REL: variants seen among roughly 807,000 people sequenced by gnomAD.
REL encodes the protein proto-oncogene c-Rel.
Under a neutral mutation model 45.9 loss-of-function variants are expected in REL, and 15 were observed. The ratio of observed to expected loss-of-function variants is 0.33; its 90% CI spans 0.22 to 0.50. The LOEUF (loss-of-function observed/expected upper bound fraction) is 0.50, where lower values mean the gene tolerates loss of function less well. Among genes scored for constraint, REL ranks in the 20% least tolerant of loss-of-function variants. REL has a pLI of 0.98. For missense variants in REL, 601 were observed against 715.2 expected (o/e 0.84, Z 1.82); for synonymous variants, 239 against 242.1 (o/e 0.99, Z 0.12).
At chr2:60,914,926 C>A (rs1195415703) in intron 4 of REL, among the ~76,000 whole-genome samples, 1 of 150,464 alleles carries the variant, frequency 6.6e-6, no homozygotes, top group Non-Finnish European at 1.5e-5. Flanking sequence ...CTCTGCCTCT[C>A]GGGTTCACCA....
intron 1 of REL, 45 bp downstream of exon 1, chr2:60,881,895 C>T (rs561554776): frequency 7.3e-7 from 1 of 1,372,366 alleles, no homozygotes; most frequent in South Asian, 1.4e-5. Flanking sequence ...GAAAGGAGCT[C>T]TTCTGAAGGG....
At chr2:60,902,013 G>A (rs1673511251) in intron 4 of REL, among the ~76,000 whole-genome samples, 1 of 152,028 alleles carries the variant, frequency 6.6e-6, no homozygotes, top group East Asian at 1.9e-4. Flanking sequence ...GAATAGATAA[G>A]TACTACCACA....
At chr2:60,908,101 G>A (rs1008140371) in intron 4 of REL, among the ~76,000 whole-genome samples, 1 of 151,940 alleles carries the variant, frequency 6.6e-6, no homozygotes, top group Non-Finnish European at 1.5e-5. Context: ...TAATTATACG[G>A]TATACTCAGC....
chr2:60,920,255 G>C (rs889654273), intron 8 of REL, 146 bp downstream of exon 8: 2 of 676,814 alleles, frequency 3.0e-6, no homozygotes, highest in Non-Finnish European at 5.1e-6. Flanking sequence ...AGGCTGGAGT[G>C]CAGTAGGGCA....
At chr2:60,908,349 A>C (rs1673718460) in intron 4 of REL, among the ~76,000 whole-genome samples, 1 of 152,178 alleles carries the variant, frequency 6.6e-6, no homozygotes, top group Non-Finnish European at 1.5e-5. Flanking sequence ...AGTGTGTTTT[A>C]AGGCCGGCCT....
chr2:60,918,981 C>T (rs980884874), intron 7 of REL, among the ~76,000 whole-genome samples: 25 of 152,048 alleles, frequency 1.6e-4, no homozygotes, highest in African/African-American at 4.8e-4. Flanking sequence ...TTAGTAGAGA[C>T]AGGGTTTCAC....
intron 4 of REL, among the ~76,000 whole-genome samples, chr2:60,906,309 C>G (rs1673648310): frequency 6.6e-6 from 1 of 152,166 alleles, no homozygotes; most frequent in African/African-American, 2.4e-5. Flanking sequence ...CAATTCTATT[C>G]TGTACCTTTC....
intron 3 of REL, among the ~76,000 whole-genome samples, chr2:60,895,095 G>A (rs1673316759): frequency 6.6e-6 from 1 of 151,878 alleles, no homozygotes; most frequent in Non-Finnish European, 1.5e-5. Flanking sequence ...CCGACCTCAG[G>A]TGATCTGCCT....
At chr2:60,898,902 C>G (rs1053582585) in intron 3 of REL, 3 of 152,186 alleles carry the variant, frequency 2.0e-5, no homozygotes, top group Non-Finnish European at 2.9e-5. Context: ...AACCCCAAAG[C>G]TTGTTGAATG....
Position 60,925,697 on chromosome 2 carries a change from T to G in REL, c.*3162T>G, listed in dbSNP as rs994027823. On this transcript the variant is annotated 3_prime_UTR_variant, in exon 10 of 10. Transcript: ENST00000394479. ...TGATGATGGATGATAGGTGGGGAGATTTTTTTTTTTTTTAATACAGAATCT... is the reference window on the plus strand; with the variant it reads ...TGATGATGGATGATAGGTGGGGAGAGTTTTTTTTTTTTTAATACAGAATCT... The G allele has an allele frequency of 8.6e-5, 2 of 23,156 alleles. No homozygotes were observed. The highest frequency in any genetic ancestry group is 3.2e-4 in the African/African-American group (2 of 6,218). The allele number at this position is 23,156 out of a possible 1,614,324, so 1.4% of individuals were successfully genotyped here. A position where few individuals can be genotyped will look rare whatever the true frequency, so the allele number is the denominator to read the frequency against.
chr2:60,906,796 CCTT>C (rs1165827290), intron 4 of REL, among the ~76,000 whole-genome samples: 2 of 150,666 alleles, frequency 1.3e-5, no homozygotes, highest in South Asian at 2.1e-4. Context: ...CCTTCCCTGA[CCTT>C]CTCTCTGTTT....
chr2:60,886,611 TTAAAA>T (rs779993126), intron 1 of REL, among the ~76,000 whole-genome samples: 16 of 152,188 alleles, frequency 1.1e-4, no homozygotes, highest in African/African-American at 1.4e-4. Flanking sequence ...TAAAGGGGTC[TTAAAA>T]TAATGTTATA....
At chr2:60,902,918 G>T (rs1252044722) in intron 4 of REL, among the ~76,000 whole-genome samples, 1 of 152,114 alleles carries the variant, frequency 6.6e-6, no homozygotes, top group Non-Finnish European at 1.5e-5. Flanking sequence ...GAACATGTAT[G>T]TTGTTTTCAT....
chr2:60,917,016 C>T lies in REL; in HGVS notation c.534C>T (p.Asn178=). The T allele has an allele frequency of 6.2e-7, 1 of 1,607,528 alleles. No homozygotes were observed. Among genetic ancestry groups the T allele is most frequent in the South Asian group, 1.1e-5 (1 of 89,988 alleles). The change falls in exon 5 of 10, where the codon AAC becomes AAT. Residue 178 remains asparagine (N), a splice_region_variant and synonymous_variant. Transcript: ENST00000394479. ...PPVVSNPIYD[N]RAPNTAELRI... ...TTGTCTCGAACCCAATTTATGACAA[C>T]CGTAAGTACTTCATTTTCTTATATT...
chr2:60,892,151 GA>G (rs1673231191), intron 2 of REL, among the ~76,000 whole-genome samples: 1 of 152,058 alleles, frequency 6.6e-6, no homozygotes, highest in Non-Finnish European at 1.5e-5. Flanking sequence ...AGATAATAAG[GA>G]AAACCCATTC....
intron 4 of REL, among the ~76,000 whole-genome samples, chr2:60,907,654 G>A (rs954302544): frequency 7.2e-5 from 11 of 151,814 alleles, no homozygotes; most frequent in African/African-American, 9.7e-5. Context: ...AAACTAAAAC[G>A]GTTGAAAGAA....
At position 60,925,814 on chromosome 2, in the gene REL, G is replaced by C. The variant is rs544355495; in HGVS notation, c.*3279G>C. 2 of 214,786 alleles carry C rather than the reference G, an allele frequency of 9.3e-6. No individual in the cohort carries two copies. Among genetic ancestry groups the C allele is most frequent in the East Asian group, 1.4e-4 (2 of 14,584 alleles). The allele number at this position is 214,786 out of a possible 1,614,324, so 13.3% of individuals were successfully genotyped here. On this transcript the variant is annotated 3_prime_UTR_variant, in exon 10 of 10. Transcript: ENST00000394479. ...TTTTCTTTAAACTAATTAAGCGTTG[G>C]CTACTTAGTATAAGTAAGTATAAGC... is the stretch of plus-strand genomic sequence containing the variant.
At chr2:60,889,413 T>TA (rs1673151087) in intron 1 of REL, among the ~76,000 whole-genome samples, 1 of 152,220 alleles carries the variant, frequency 6.6e-6, no homozygotes. Context: ...ATAGTATCAC[T>TA]AAATCATTGT....
chr2:60,919,527 G>A (rs1674073799), intron 7 of REL, among the ~76,000 whole-genome samples: 1 of 152,108 alleles, frequency 6.6e-6, no homozygotes, highest in South Asian at 2.1e-4. Flanking sequence ...CTGGGTTCAA[G>A]CAATTCTCCT....
Sources: gnomAD v4.1 joint callset for allele counts (sites outside exome capture counted in the v4.1 genomes callset) on GRCh38, gnomAD v4.1.1 for gene constraint, MANE v1.5 for transcripts, NCBI Gene and HGNC (gene_info 2026-07-23, HGNC 2026-07-21) for gene names.